Variants in DGKD observed in about 807,000 individuals in gnomAD.
The protein encoded by DGKD is DAG kinase delta.
DGKD carries 68 observed loss-of-function variants against 154.4 expected under a neutral mutation model. The ratio of observed to expected loss-of-function variants is 0.44; its 90% CI spans 0.36 to 0.54. DGKD has a LOEUF of 0.54. Ranked by LOEUF, DGKD falls within the 20% of genes least tolerant of loss-of-function variation. The probability of loss-of-function intolerance (pLI) is 0.00; values close to 1 mark genes in which losing one functional copy is unlikely to be tolerated. For missense variants in DGKD, 1,343 were observed against 1,593.6 expected (o/e 0.84, Z 2.68); for synonymous variants, 693 against 638.0 (o/e 1.09, Z -1.30).
At chr2:233,455,220 T>A (rs909942473) in intron 19 of DGKD, among the ~76,000 whole-genome samples, 1 of 152,122 alleles carries the variant, frequency 6.6e-6, no homozygotes, top group Non-Finnish European at 1.5e-5. Flanking sequence ...TGCCCAGCAT[T>A]GTTTGTGGGA....
chr2:233,382,124 C>T (rs1199588304), intron 1 of DGKD, among the ~76,000 whole-genome samples: 1 of 152,116 alleles, frequency 6.6e-6, no homozygotes. Flanking sequence ...ATCCCAGCTA[C>T]TCGGGAGGGT....
intron 12 of DGKD, 64 bp downstream of exon 12, chr2:233,446,860 C>T (rs570202976): frequency 1.3e-4 from 204 of 1,573,214 alleles, no homozygotes; most frequent in African/African-American, 4.5e-4. Context: ...GTCCTGTCAG[C>T]GGTTTGCATC....
Position 233,436,187 on chromosome 2 carries a change from C to T in DGKD, c.694-129C>T. ...TCACAGGCCCTGCCATCCCTTCCCT[C>T]ACTGGCCATCAGGGAAGGAGCTTGT... On this transcript the variant is annotated intron_variant, in intron 6 of 29. Coordinates refer to ENST00000264057, the MANE Select transcript of DGKD (RefSeq NM_152879.3). 2.1e-6 allele frequency: 3 copies of T among 1,453,108 alleles called. No homozygotes were observed. The South Asian group carries it at 3.8e-5, about 19-fold the overall frequency. 90.0% of individuals were successfully genotyped at this position (1,453,108 alleles called of 1,614,324 possible). A position where few individuals can be genotyped will look rare whatever the true frequency, so the allele number is the denominator to read the frequency against.
At chr2:233,409,389 C>A (rs1414001579) in intron 3 of DGKD, among the ~76,000 whole-genome samples, 1 of 151,960 alleles carries the variant, frequency 6.6e-6, no homozygotes, top group Non-Finnish European at 1.5e-5. Flanking sequence ...GGGGAAGATA[C>A]ATGGATTTGA....
At chr2:233,434,335 C>G in intron 3 of DGKD, 45 bp from the exon 4 acceptor site, 1 of 1,502,022 alleles carries the variant, frequency 6.7e-7, no homozygotes, top group African/African-American at 1.4e-5. Flanking sequence ...GCTATCAGCA[C>G]TTGCCTTTTG....
intron 3 of DGKD, among the ~76,000 whole-genome samples, chr2:233,409,584 C>T (rs777067173): frequency 7.2e-5 from 11 of 151,858 alleles, no homozygotes; most frequent in East Asian, 1.9e-4. Flanking sequence ...CCCACGTTCC[C>T]GTCCCAGAAT....
Position 233,449,521 on chromosome 2 carries a change from C to T in DGKD, c.1888+145C>T, listed in dbSNP as rs531184643. ...TCCACCCATGTCCAGGCACCAGACC[C>T]CCAACGAGTTCGCTTGCCCTCCTTC... On this transcript the variant is annotated intron_variant, in intron 15 of 29. Transcript: ENST00000264057. The surrounding 1 kb of genome is among the most constrained non-coding windows in gnomAD (Gnocchi z 5.3). 19 of 1,201,894 alleles carry T rather than the reference C, an allele frequency of 1.6e-5. No individual in the cohort carries two copies. The East Asian group carries it at 3.4e-4, about 21-fold the overall frequency. The allele number at this position is 1,201,894 out of a possible 1,614,324, so 74.5% of individuals were successfully genotyped here.
rs188731320 is a variant in DGKD at position 233,372,444 on chromosome 2, T to G, written c.157-15813T>G. Among the ~76,000 whole-genome samples the G allele has an allele frequency of 2.1e-3, 322 of 152,268 alleles. 1 individual carries two copies. Among genetic ancestry groups the G allele is most frequent in the Non-Finnish European group, 3.5e-3 (241 of 68,020 alleles). On this transcript the variant is annotated intron_variant, in intron 1 of 29. Transcript: ENST00000264057. Reference sequence around the variant, plus strand: ...TTTGACATTCTCAGTATTTGAACTCTGATAAAAATGGACTAGTACTCAGAA... The same window carrying G: ...TTTGACATTCTCAGTATTTGAACTCGGATAAAAATGGACTAGTACTCAGAA...
At chr2:233,368,111 C>G (rs1015663136) in intron 1 of DGKD, among the ~76,000 whole-genome samples, 3 of 152,170 alleles carry the variant, frequency 2.0e-5, no homozygotes, top group Admixed American at 2.0e-4. Context: ...CAATACAGGA[C>G]TTGCCTGAAG....
chr2:233,354,727 C>A lies in DGKD; in HGVS notation c.156+53C>A. The A allele has an allele frequency of 1.0e-6, 1 of 962,356 alleles. No homozygotes were observed. Among genetic ancestry groups the A allele is most frequent in the South Asian group, 4.6e-5 (1 of 21,648 alleles). 59.6% of individuals were successfully genotyped at this position (962,356 alleles called of 1,614,324 possible). On this transcript the variant is annotated intron_variant, in intron 1 of 29. Coordinates refer to ENST00000264057, the MANE Select transcript of DGKD (RefSeq NM_152879.3). The surrounding 1 kb of genome is among the most constrained non-coding windows in gnomAD (Gnocchi z 4.8). ...GCGCGCCCCTCACGCCGCGGCAGCC[C>A]CGGCCGAGGCCCGTGGCCCTGCCCG...
intron 28 of DGKD, among the ~76,000 whole-genome samples, chr2:233,467,588 C>G (rs963664366): frequency 6.6e-6 from 1 of 152,346 alleles, no homozygotes; most frequent in African/African-American, 2.4e-5. Flanking sequence ...TAAATTGATG[C>G]ATTGGTCGAG....
At chr2:233,418,905 T>C (rs1270224447) in intron 3 of DGKD, among the ~76,000 whole-genome samples, 1 of 152,184 alleles carries the variant, frequency 6.6e-6, no homozygotes, top group Admixed American at 6.5e-5. Flanking sequence ...GCACTCAGGC[T>C]CTTTCTATAT....
chr2:233,354,504 C>T lies in DGKD; in HGVS notation c.-15C>T. 1.0e-6 allele frequency: 1 copy of T among 977,416 alleles called. No individual in the cohort carries two copies. Among genetic ancestry groups the T allele is most frequent in the South Asian group, 4.6e-5 (1 of 21,738 alleles). The allele number at this position is 977,416 out of a possible 1,614,324, so 60.5% of individuals were successfully genotyped here. On this transcript the variant is annotated 5_prime_UTR_variant, in exon 1 of 30. Transcript: ENST00000264057. The surrounding 1 kb of genome is among the most constrained non-coding windows in gnomAD (Gnocchi z 4.8). ...GCCCCGCCCCCGCCCGCGGTGCGCG[C>T]GCTGGCCCGGCAGCATGGCGGCGGC...
intron 3 of DGKD, among the ~76,000 whole-genome samples, chr2:233,405,137 A>C (rs7580191): frequency 0.031 from 4,645 of 152,278 alleles, 229 homozygotes; most frequent in African/African-American, 0.11. Context: ...TAAGATATGT[A>C]TGTTGTTATG....
At chr2:233,432,362 A>C (rs944551550) in intron 3 of DGKD, among the ~76,000 whole-genome samples, 3 of 134,788 alleles carry the variant, frequency 2.2e-5, no homozygotes, top group Non-Finnish European at 4.7e-5. Context: ...CGTCTCTACT[A>C]AAAATACAAA....
Position 233,445,799 on chromosome 2 carries a change from CT to C in DGKD, c.1334+40del, listed in dbSNP as rs1559559314. On this transcript the variant is annotated intron_variant, in intron 11 of 29. Transcript: ENST00000264057. The surrounding 1 kb of genome is among the most constrained non-coding windows in gnomAD (Gnocchi z 5.5). ...TGTGCTCCGGTGCCGTATGAGGAGA[CT>C]TTGAGAGACAGGTCCCTTTGACCAG... is the stretch of plus-strand genomic sequence containing the variant. 3 of 1,556,294 alleles carry C rather than the reference CT, an allele frequency of 1.9e-6. No individual in the cohort carries two copies. The highest frequency in any genetic ancestry group is 1.7e-6 in the Non-Finnish European group (2 of 1,147,702).
Position 233,462,463 on chromosome 2 carries a change from G to A in DGKD, c.3093+4G>A. 3 of 1,592,596 alleles carry A rather than the reference G, an allele frequency of 1.9e-6. No individual in the cohort carries two copies. The highest frequency in any genetic ancestry group is 1.7e-6 in the Non-Finnish European group (2 of 1,164,194). ...TGGCAAGCCCAGAACCACAGAGGTA[G>A]CTATTCTGGCCTTTTCAGTCCTGGC... On this transcript the variant is annotated splice_donor_region_variant and intron_variant, in intron 25 of 29. Coordinates refer to ENST00000264057, the MANE Select transcript of DGKD (RefSeq NM_152879.3).
chr2:233,467,061 C>T lies in DGKD; in HGVS notation c.3307-25C>T, dbSNP rs1244613619. On this transcript the variant is annotated intron_variant, in intron 27 of 29. Coordinates refer to ENST00000264057, the MANE Select transcript of DGKD (RefSeq NM_152879.3). ...CCGTGATCAGTTGCAGCCTGATTCT[C>T]AGTATTCCTCATTCTCCCCAACAGA... 1.9e-6 allele frequency: 3 copies of T among 1,571,386 alleles called. No individual in the cohort carries two copies. In the African/African-American group the frequency reaches 4.0e-5, roughly 21 times the overall value.
At chr2:233,412,029 T>C (rs1329007519) in intron 3 of DGKD, among the ~76,000 whole-genome samples, 1 of 152,214 alleles carries the variant, frequency 6.6e-6, no homozygotes, top group Non-Finnish European at 1.5e-5. Flanking sequence ...TACTGTAGTT[T>C]TATAGGAAGT....
Sources: gnomAD v4.1 joint callset for allele counts (sites outside exome capture counted in the v4.1 genomes callset) on GRCh38, gnomAD v4.1.1 for gene constraint, Gnocchi (gnomAD v3.1) non-coding constraint, MANE v1.5 for transcripts, NCBI Gene and HGNC (gene_info 2026-07-23, HGNC 2026-07-21) for gene names.